The following TMEM178B variants were observed in gnomAD, a reference collection of about 807,000 sequenced individuals.
TMEM178B encodes transmembrane protein 178B.
TMEM178B carries 5 observed loss-of-function variants against 31.0 expected under a neutral mutation model. The ratio of observed to expected loss-of-function variants is 0.16; its 90% CI spans 0.08 to 0.34. The LOEUF is 0.34. TMEM178B is among the 10% of genes least tolerant of loss of function. The probability of loss-of-function intolerance (pLI) is 1.00; values close to 1 mark genes in which losing one functional copy is unlikely to be tolerated. For missense variants in TMEM178B, 275 were observed against 400.3 expected, an observed-to-expected ratio of 0.69 and a Z score of 2.67; for synonymous variants, 164 against 164.0, an observed-to-expected ratio of 1.00 and a Z score of 0.00.
intron 1 of TMEM178B, among the ~76,000 whole-genome samples, chr7:141,146,963 G>A (rs1409264503): frequency 6.6e-6 from 1 of 152,096 alleles, no homozygotes; most frequent in African/African-American, 2.4e-5. Context: ...TTCTATGGGT[G>A]GACATATCTA....
At chr7:141,410,177 C>T (rs994915247) in intron 2 of TMEM178B, among the ~76,000 whole-genome samples, 1 of 152,198 alleles carries the variant, frequency 6.6e-6, no homozygotes, top group Non-Finnish European at 1.5e-5. Context: ...GAGCACTTTG[C>T]TTTGACTTGG....
chr7:141,134,136 G>A (rs1795637385), intron 1 of TMEM178B, among the ~76,000 whole-genome samples: 4 of 152,156 alleles, frequency 2.6e-5, no homozygotes, highest in Admixed American at 2.6e-4. Flanking sequence ...TTGGGAGGCT[G>A]AGGTAGGAGG....
At chr7:141,213,199 C>G (rs1159500578) in intron 2 of TMEM178B, among the ~76,000 whole-genome samples, 1 of 152,156 alleles carries the variant, frequency 6.6e-6, no homozygotes, top group Admixed American at 6.5e-5. Flanking sequence ...GTCTTTAAAG[C>G]TACGGTTTAC....
intron 1 of TMEM178B, among the ~76,000 whole-genome samples, chr7:141,140,650 A>G (rs186232631): frequency 6.6e-6 from 1 of 152,262 alleles, no homozygotes; most frequent in Non-Finnish European, 1.5e-5. Context: ...TTTATTTCTC[A>G]TGTATCCTTG....
At chr7:141,424,400 G>A (rs1801276507) in intron 2 of TMEM178B, among the ~76,000 whole-genome samples, 1 of 152,196 alleles carries the variant, frequency 6.6e-6, no homozygotes, top group Non-Finnish European at 1.5e-5. Context: ...GTTGGCCAAA[G>A]AGGAGCATGG....
intron 1 of TMEM178B, among the ~76,000 whole-genome samples, chr7:141,083,321 A>T (rs1027171348): frequency 6.6e-6 from 1 of 152,200 alleles, no homozygotes; most frequent in African/African-American, 2.4e-5. Context: ...TCATATGTAA[A>T]ATAATGTGTT....
At chr7:141,487,697 C>T in the TMEM178B span, among the ~76,000 whole-genome samples, 17 of 135,570 alleles carry the variant, frequency 1.3e-4, no homozygotes, top group Middle Eastern at 3.7e-3. Flanking sequence ...GCCGAGATGG[C>T]GCCACTGCAC....
chr7:141,097,317 G>A (rs2129173046), intron 1 of TMEM178B, among the ~76,000 whole-genome samples: 1 of 129,320 alleles, frequency 7.7e-6, no homozygotes, highest in South Asian at 2.6e-4. Context: ...AGTGAGCCGA[G>A]ATAGCACCAC....
intron 2 of TMEM178B, among the ~76,000 whole-genome samples, chr7:141,366,489 GT>G (rs1800007196): frequency 1.3e-5 from 2 of 152,150 alleles, no homozygotes; most frequent in African/African-American, 4.8e-5. Context: ...GTTTCTGAAG[GT>G]TTAAAAACGT....
chr7:141,178,935 A>G (rs1442101803), intron 1 of TMEM178B, among the ~76,000 whole-genome samples: 2 of 152,196 alleles, frequency 1.3e-5, no homozygotes, highest in Non-Finnish European at 2.9e-5. Flanking sequence ...CGACTAAAGA[A>G]TGTGCACTTT....
intron 2 of TMEM178B, among the ~76,000 whole-genome samples, chr7:141,432,454 C>A (rs1041579186): frequency 6.6e-6 from 1 of 152,134 alleles, no homozygotes; most frequent in Non-Finnish European, 1.5e-5. Context: ...CACGCCCAGC[C>A]CTGCATCACT....
chr7:141,235,182 A>T (rs529569608), intron 2 of TMEM178B, among the ~76,000 whole-genome samples: 1 of 152,296 alleles, frequency 6.6e-6, no homozygotes, highest in South Asian at 2.1e-4. Context: ...GCTGGGAATG[A>T]CCTTTACCAA....
intron 1 of TMEM178B, among the ~76,000 whole-genome samples, chr7:141,083,570 T>C (rs1164728859): frequency 2.6e-5 from 4 of 151,970 alleles, no homozygotes; most frequent in African/African-American, 9.7e-5. Context: ...TCATCCTGGG[T>C]TCTAGTTTGC....
chr7:141,304,545 C>T (rs779644350), intron 2 of TMEM178B, among the ~76,000 whole-genome samples: 2 of 152,168 alleles, frequency 1.3e-5, no homozygotes, highest in Non-Finnish European at 2.9e-5. Context: ...TTACTTCTGC[C>T]ACCATGGCCA....
At position 141,282,991 on chromosome 7, in the gene TMEM178B, A is replaced by T. The variant is rs151065490; in HGVS notation, c.496+70287A>T. On this transcript the variant is annotated intron_variant, in intron 2 of 3. Coordinates refer to ENST00000565468, the MANE Select transcript of TMEM178B (RefSeq NM_001195278.2). ...ACTATCTCATCTATTAGGTTGGTACAAAAGTAATTGTACCAACCTAATAAT... is the reference window on the plus strand; with the variant it reads ...ACTATCTCATCTATTAGGTTGGTACTAAAGTAATTGTACCAACCTAATAAT... Among the ~76,000 whole-genome samples the T allele has an allele frequency of 2.1e-3, 315 of 152,296 alleles. 3 individuals are homozygous for T. Among genetic ancestry groups the T allele is most frequent in the Middle Eastern group, 0.01 (3 of 294 alleles).
At chr7:141,090,957 C>G (rs1479580313) in intron 1 of TMEM178B, among the ~76,000 whole-genome samples, 1 of 152,156 alleles carries the variant, frequency 6.6e-6, no homozygotes, top group African/African-American at 2.4e-5. Flanking sequence ...AGGGCACAGC[C>G]CATTGCCACC....
chr7:141,348,153 C>T lies in TMEM178B; in HGVS notation c.497-89455C>T, dbSNP rs533570056. ...GTTTTAGCCAAAATCTTGGGTTTTA[C>T]GATAGCGGGTTGGTTTTTTATCGTT... On this transcript the variant is annotated intron_variant, in intron 2 of 3. Transcript: ENST00000565468. Among the ~76,000 whole-genome samples the T allele has an allele frequency of 1.7e-4, 26 of 152,252 alleles. No homozygotes were observed. In the South Asian group the frequency reaches 3.9e-3, roughly 23 times the overall value.
intron 1 of TMEM178B, among the ~76,000 whole-genome samples, chr7:141,161,580 G>T (rs1796173318): frequency 6.6e-6 from 1 of 152,182 alleles, no homozygotes. Context: ...GCGCAGGAAG[G>T]CCTGGGTGGG....
intron 3 of TMEM178B, among the ~76,000 whole-genome samples, chr7:141,441,989 G>C (rs889056048): frequency 6.6e-6 from 1 of 152,198 alleles, no homozygotes; most frequent in African/African-American, 2.4e-5. Flanking sequence ...GGCCTTCAGG[G>C]GAGAATCTCG....
Sources: allele counts gnomAD v4.1 joint callset (sites outside exome capture counted in the v4.1 genomes callset), GRCh38; gene constraint gnomAD v4.1.1; transcripts MANE v1.5; gene names NCBI Gene and HGNC (gene_info 2026-07-23, HGNC 2026-07-21).